The following RPS6KA6 variants were observed in gnomAD, a reference collection of about 807,000 sequenced individuals.
The protein encoded by RPS6KA6 is ribosomal protein S6 kinase alpha-6.
In RPS6KA6, 27 loss-of-function variants were observed where a neutral mutation model predicts 65.4. The ratio of observed to expected loss-of-function variants is 0.41; its 90% CI spans 0.30 to 0.57. The LOEUF (loss-of-function observed/expected upper bound fraction) is 0.57, where lower values mean the gene tolerates loss of function less well. Ranked by LOEUF, RPS6KA6 falls within the 20% of genes least tolerant of loss-of-function variation. The pLI is 0.24. For synonymous variants in RPS6KA6, 190 were observed against 184.2 expected, an observed-to-expected ratio of 1.03 and a Z score of -0.26; for missense variants, 486 against 555.6, an observed-to-expected ratio of 0.87 and a Z score of 1.26.
intron 20 of RPS6KA6, among the ~76,000 whole-genome samples, chrX:84,080,568 C>T (rs1443371160): frequency 2.0e-5 from 2 of 97,952 alleles, no homozygotes; most frequent in Non-Finnish European, 4.1e-5. Flanking sequence ...ATTAGATCAA[C>T]ACGACAGAAA....
Position 84,067,231 on chromosome X carries a change from C to T in RPS6KA6, c.1972-2120G>A, listed in dbSNP as rs572518401. ...GAATGCCTATTTTCCCCCAAATGAT[C>T]GCAACTCCTCTCCAGCAAGGGCATA... On this transcript the variant is annotated intron_variant, in intron 20 of 21. Transcript: ENST00000262752. Among the ~76,000 whole-genome samples the T allele has an allele frequency of 1.2e-4, 13 of 111,741 alleles. No homozygotes were observed. The South Asian group carries it at 4.9e-3, about 42-fold the overall frequency.
intron 20 of RPS6KA6, among the ~76,000 whole-genome samples, chrX:84,082,402 C>T (rs771022455): frequency 9.4e-4 from 105 of 111,511 alleles, no homozygotes; most frequent in Non-Finnish European, 1.5e-3. Flanking sequence ...ATGTGAAGGA[C>T]CTCTTCAAGG....
chrX:84,156,019 C>CT, intron 3 of RPS6KA6, 56 bp downstream of exon 3: 6 of 670,756 alleles, frequency 8.9e-6, no homozygotes, highest in Non-Finnish European at 9.7e-6. Flanking sequence ...TATGTGTTCA[C>CT]TTTTTTTGCT....
intron 9 of RPS6KA6, among the ~76,000 whole-genome samples, chrX:84,119,105 T>A (rs1027011294): frequency 8.9e-6 from 1 of 111,977 alleles, no homozygotes; most frequent in Non-Finnish European, 1.9e-5. Context: ...CAGCTTACAT[T>A]AAATCTTCCC....
intron 3 of RPS6KA6, among the ~76,000 whole-genome samples, chrX:84,151,071 A>G (rs1189574539): frequency 2.0e-5 from 2 of 98,764 alleles, no homozygotes; most frequent in African/African-American, 7.2e-5. Context: ...TAGAGGATAG[A>G]TATATAGAGG....
intron 20 of RPS6KA6, among the ~76,000 whole-genome samples, chrX:84,086,008 A>G (rs2033912949): frequency 1.8e-5 from 2 of 111,123 alleles, no homozygotes; most frequent in African/African-American, 3.3e-5. Context: ...ATCAGTGGTG[A>G]TATCCCCCTT....
At chrX:84,117,852 T>C (rs1459098845) in intron 9 of RPS6KA6, among the ~76,000 whole-genome samples, 1 of 111,065 alleles carries the variant, frequency 9.0e-6, no homozygotes, top group Non-Finnish European at 1.9e-5. Context: ...AATTCATACA[T>C]GCCCAAGAAA....
intron 8 of RPS6KA6, among the ~76,000 whole-genome samples, chrX:84,120,631 C>T (rs2034654005): frequency 9.0e-6 from 1 of 111,147 alleles, no homozygotes; most frequent in African/African-American, 3.3e-5. Flanking sequence ...ATGCTGAAAA[C>T]TGGAAACACT....
At chrX:84,146,597 G>C (rs1755013202) in intron 5 of RPS6KA6, among the ~76,000 whole-genome samples, 1 of 111,355 alleles carries the variant, frequency 9.0e-6, no homozygotes, top group South Asian at 3.7e-4. Flanking sequence ...ATGGTCCTCT[G>C]GAATATAACC....
At chrX:84,151,460 A>C (rs2035324532) in intron 3 of RPS6KA6, among the ~76,000 whole-genome samples, 1 of 110,413 alleles carries the variant, frequency 9.1e-6, no homozygotes, top group Non-Finnish European at 1.9e-5. Context: ...CATTGACAAA[A>C]AGAGTATCAG....
At chrX:84,161,590 G>A (rs920696728) in intron 2 of RPS6KA6, among the ~76,000 whole-genome samples, 4 of 111,353 alleles carry the variant, frequency 3.6e-5, no homozygotes, top group African/African-American at 1.3e-4. Context: ...CAGAAAGCAG[G>A]CATTCTCAGC....
chrX:84,059,144 T>TTTTTG lies in RPS6KA6; in HGVS notation c.*5132_*5133insCAAAA, dbSNP rs2033260581. The TTTTTG allele has an allele frequency of 2.3e-5, 2 of 87,937 alleles. No homozygotes were observed. Among genetic ancestry groups the TTTTTG allele is most frequent in the African/African-American group, 8.5e-5 (2 of 23,553 alleles). The allele number at this position is 87,937 out of a possible 1,213,427, so 7.2% of individuals were successfully genotyped here. ...TTTTTTTTTTTTTTTTTTTTTTTTT[T>TTTTTG]TGTGAGACGGAGTTTCGCTCTTGTT... On this transcript the variant is annotated 3_prime_UTR_variant, in exon 22 of 22. Coordinates refer to ENST00000262752, the MANE Select transcript of RPS6KA6 (RefSeq NM_014496.5).
Position 84,059,114 on chromosome X carries a change from CTTTTTTTTTTTTTTTTT to C in RPS6KA6, c.*5146_*5162del, listed in dbSNP as rs200378989. The C allele has an allele frequency of 7.1e-5, 2 of 28,293 alleles. No individual in the cohort carries two copies. Among genetic ancestry groups the C allele is most frequent in the Non-Finnish European group, 1.2e-4 (2 of 16,807 alleles). 2.3% of individuals were successfully genotyped at this position (28,293 alleles called of 1,213,427 possible). A position where few individuals can be genotyped will look rare whatever the true frequency, so the allele number is the denominator to read the frequency against. On this transcript the variant is annotated 3_prime_UTR_variant, in exon 22 of 22. Transcript: ENST00000262752. ...AACTTTTTAAATGGCTGTTTCTTTT[CTTTTTTTTTTTTTTTTT>C]TTTTTTTTTTTTTTGTGAGACGGAG...
chrX:84,080,074 AGCTCT>A (rs1183342794), intron 20 of RPS6KA6, among the ~76,000 whole-genome samples: 4 of 110,208 alleles, frequency 3.6e-5, no homozygotes, highest in Non-Finnish European at 5.7e-5. Flanking sequence ...CATACAGGAG[AGCTCT>A]GGCTGGCATC....
chrX:84,185,502 TCAAA>T (rs765607781), intron 1 of RPS6KA6, among the ~76,000 whole-genome samples: 1 of 111,925 alleles, frequency 8.9e-6, no homozygotes, highest in East Asian at 2.8e-4. Flanking sequence ...GTTAAGAGTC[TCAAA>T]CAACCAATTT....
chrX:84,079,346 T>A (rs1405745982), intron 20 of RPS6KA6, among the ~76,000 whole-genome samples: 2 of 111,027 alleles, frequency 1.8e-5, no homozygotes, highest in Non-Finnish European at 3.8e-5. Flanking sequence ...CTTGAGTGCC[T>A]AAACCACCAG....
intron 2 of RPS6KA6, 118 bp downstream of exon 2, chrX:84,164,210 T>C: frequency 1.8e-6 from 1 of 541,742 alleles, no homozygotes; most frequent in Non-Finnish European, 3.1e-6. Flanking sequence ...AATAATTCCA[T>C]TTGCTTATTA....
intron 2 of RPS6KA6, 73 bp downstream of exon 2, chrX:84,164,255 T>C: frequency 1.0e-5 from 8 of 791,806 alleles, no homozygotes; most frequent in Non-Finnish European, 1.3e-5. Context: ...TGATAGGAGC[T>C]TTTCTCCTTT....
At chrX:84,076,999 AT>A (rs376683439) in intron 20 of RPS6KA6, among the ~76,000 whole-genome samples, 4 of 111,665 alleles carry the variant, frequency 3.6e-5, no homozygotes, top group African/African-American at 1.3e-4. Flanking sequence ...TTTTAATGCC[AT>A]TAATATTAAA....
Sources: gnomAD v4.1 joint callset for allele counts (sites outside exome capture counted in the v4.1 genomes callset) on GRCh38, gnomAD v4.1.1 for gene constraint, MANE v1.5 for transcripts, NCBI Gene and HGNC (gene_info 2026-07-23, HGNC 2026-07-21) for gene names.